CAPN14: variants seen among roughly 807,000 people sequenced by gnomAD.
CAPN14 encodes calpain 14, also known as calpain-14.
A neutral mutation model predicts 101.3 loss-of-function variants in CAPN14; 94 were observed. That is an observed-to-expected ratio of 0.93 (90% CI 0.79 to 1.10). The LOEUF is 1.10. Among genes scored for constraint, CAPN14 ranks in the 50% least tolerant of loss-of-function variants. The probability of loss-of-function intolerance (pLI) is 0.00; values close to 1 mark genes in which losing one functional copy is unlikely to be tolerated. For missense variants in CAPN14, 837 were observed against 828.4 expected, an observed-to-expected ratio of 1.01 and a Z score of -0.13; for synonymous variants, 338 against 317.9, an observed-to-expected ratio of 1.06 and a Z score of -0.67.
rs749542748 is a variant in CAPN14 at position 31,201,096 on chromosome 2, TGTGTGTGTGCATGTGC to T, written c.552-487_552-472del. The stretch of plus-strand genomic sequence containing the variant: ...TGACCTCCACATGCATGTGTGCATG[TGTGTGTGTGCATGTGC>T]GTGTGTGTGCATGTGTGTATGTGTG... On this transcript the variant is annotated intron_variant, in intron 5 of 21. Transcript: ENST00000403897. Among the ~76,000 whole-genome samples, 288 of 147,862 alleles carry T rather than the reference TGTGTGTGTGCATGTGC, an allele frequency of 1.9e-3. 1 individual carries two copies. Among genetic ancestry groups the T allele is most frequent in the African/African-American group, 6.5e-3 (259 of 40,058 alleles).
At position 31,187,793 on chromosome 2, in the gene CAPN14, T is replaced by C. The variant is rs757198882; in HGVS notation, c.1552A>G (p.Arg518Gly). The change falls in exon 15 of 22, where the codon AGG (arginine) becomes GGG (glycine). Residue 518 changes from arginine to glycine, a missense_variant. Transcript: ENST00000403897. The stretch of plus-strand genomic sequence containing the variant: ...AATTTGGTGAAGAATTCATCCTGCC[T>C]TTCATTTTGGTCTTCTATCTCCTAT... ...FSKEIEDQNE[R>G]QDEFFTKFFE... is the part of the protein sequence containing the mutation. 1.3e-5 allele frequency: 20 copies of C among 1,551,296 alleles called. No homozygotes were observed. Among genetic ancestry groups the C allele is most frequent in the Non-Finnish European group, 1.7e-5 (20 of 1,146,504 alleles).
chr2:31,219,604 A>C (rs149829707), upstream of CAPN14, among the ~76,000 whole-genome samples: 57 of 152,304 alleles, frequency 3.7e-4, no homozygotes, highest in African/African-American at 1.3e-3. Flanking sequence ...GCTCAGGAGC[A>C]GTAGAACCGG....
intron 8 of CAPN14, 29 bp downstream of exon 8, chr2:31,197,220 C>T: frequency 6.7e-7 from 1 of 1,487,698 alleles, no homozygotes; most frequent in East Asian, 2.5e-5. Flanking sequence ...TACCTGTTCT[C>T]ACCCCTCCAA....
intron 12 of CAPN14, among the ~76,000 whole-genome samples, 185 bp downstream of exon 12, chr2:31,191,214 A>C (rs1572404045): frequency 6.6e-6 from 1 of 152,128 alleles, no homozygotes; most frequent in African/African-American, 2.4e-5. Context: ...TTTGGATAAA[A>C]AAGATTAACA....
intron 17 of CAPN14, among the ~76,000 whole-genome samples, chr2:31,180,601 A>C (rs1222724886): frequency 2.0e-5 from 3 of 152,152 alleles, no homozygotes; most frequent in Non-Finnish European, 4.4e-5. Flanking sequence ...GAGAGCTGTT[A>C]CTAACCACCA....
intron 1 of CAPN14, among the ~76,000 whole-genome samples, chr2:31,232,182 T>C (rs915100252): frequency 3.9e-5 from 6 of 152,230 alleles, no homozygotes; most frequent in African/African-American, 1.4e-4. Flanking sequence ...TATCTCTGTC[T>C]GCTAAATCAG....
At position 31,207,088 on chromosome 2, in the gene CAPN14, C is replaced by T. The variant is rs145229825; in HGVS notation, c.-52-1589G>A. On this transcript the variant is annotated intron_variant, in intron 1 of 21. Coordinates refer to ENST00000403897, the MANE Select transcript of CAPN14 (RefSeq NM_001145122.2). Reference sequence around the variant, plus strand: ...TCTCAGTGCTACAAACTGCCTATTACACCCCGCACAGTGTTTGGGACAGAA... The same window carrying T: ...TCTCAGTGCTACAAACTGCCTATTATACCCCGCACAGTGTTTGGGACAGAA... Among the ~76,000 whole-genome samples, 147 of 152,334 alleles carry T rather than the reference C, an allele frequency of 9.6e-4. 1 individual carries two copies. The highest frequency in any genetic ancestry group is 3.4e-3 in the African/African-American group (141 of 41,582).
At chr2:31,218,944 G>A (rs1177969592), upstream of CAPN14, among the ~76,000 whole-genome samples, 2 of 141,888 alleles carry the variant, frequency 1.4e-5, no homozygotes, top group Non-Finnish European at 3.0e-5. Flanking sequence ...AGCAGAAGCA[G>A]TGGATCTGGG....
intron 19 of CAPN14, 77 bp from the exon 20 acceptor site, chr2:31,177,219 A>C: frequency 1.1e-6 from 1 of 915,866 alleles, no homozygotes; most frequent in Non-Finnish European, 1.7e-6. Flanking sequence ...GCCCCTTCAA[A>C]TGTCCCTCCA....
intron 16 of CAPN14, among the ~76,000 whole-genome samples, chr2:31,185,664 T>G (rs867070799): frequency 6.6e-6 from 1 of 152,216 alleles, no homozygotes; most frequent in African/African-American, 2.4e-5. Flanking sequence ...ATAACTGAAT[T>G]TGGCTTTGAG....
chr2:31,189,148 G>A (rs1288727018), intron 13 of CAPN14, 125 bp downstream of exon 13: 2 of 824,528 alleles, frequency 2.4e-6, no homozygotes, highest in South Asian at 1.6e-5. Context: ...CTGGTCTCCT[G>A]CTCTCCCCAT....
chr2:31,214,037 T>G (rs4951972), intron 1 of CAPN14, among the ~76,000 whole-genome samples: 86,803 of 152,096 alleles, frequency 0.57, 25,809 homozygotes, highest in East Asian at 0.94. Context: ...TGCCTTTCAG[T>G]AAACAATGAT....
Position 31,209,703 on chromosome 2 carries a change from TGGGTC to T in CAPN14, c.-52-4209_-52-4205del, listed in dbSNP as rs1258177042. Among the ~76,000 whole-genome samples, 19 of 152,218 alleles carry T rather than the reference TGGGTC, an allele frequency of 1.2e-4. No homozygotes were observed. In the South Asian group the frequency reaches 3.9e-3, roughly 32 times the overall value. ...TTGTGTCAAAATTTACTCCTTCAGG[TGGGTC>T]TCAGTGATATTTCAGTAGCCAGTGT... On this transcript the variant is annotated intron_variant, in intron 1 of 21. Transcript: ENST00000403897.
chr2:31,179,195 A>G (rs1332538842), intron 17 of CAPN14, among the ~76,000 whole-genome samples: 1 of 151,036 alleles, frequency 6.6e-6, no homozygotes, highest in Non-Finnish European at 1.5e-5. Context: ...TACATTAGGT[A>G]TTTCTCCTAA....
intron 8 of CAPN14, among the ~76,000 whole-genome samples, chr2:31,196,630 T>C (rs1453943498): frequency 3.9e-5 from 6 of 152,238 alleles, no homozygotes; most frequent in Non-Finnish European, 1.5e-5. Context: ...TGAAGGACTT[T>C]AGGACTTGAC....
intron 16 of CAPN14, among the ~76,000 whole-genome samples, chr2:31,185,130 C>T (rs1025652171): frequency 2.6e-5 from 4 of 152,210 alleles, no homozygotes; most frequent in African/African-American, 9.6e-5. Context: ...CCATCTGCAG[C>T]TCCAATAAGC....
At position 31,191,412 on chromosome 2, in the gene CAPN14, A is replaced by G. The variant is rs1253980549; in HGVS notation, c.1279-5T>C. ...TGCAGAACTCACCTTGTTCATCTAA[A>G]AAACAAAAACAAAAACAGAAAAAAA... On this transcript the variant is annotated splice_region_variant and splice_polypyrimidine_tract_variant and intron_variant, in intron 11 of 21. Coordinates refer to ENST00000403897, the MANE Select transcript of CAPN14 (RefSeq NM_001145122.2). 3 of 1,540,118 alleles carry G rather than the reference A, an allele frequency of 1.9e-6. No individual in the cohort carries two copies. The highest frequency in any genetic ancestry group is 4.9e-5 in the East Asian group (2 of 40,866).
intron 1 of CAPN14, among the ~76,000 whole-genome samples, chr2:31,216,510 G>A (rs904909446): frequency 1.3e-5 from 2 of 152,128 alleles, no homozygotes; most frequent in African/African-American, 4.8e-5. Flanking sequence ...CAACGACCAG[G>A]CTCACACTCT....
In CAPN14 at chr2:31,205,495, T is replaced by C; in HGVS notation, c.-48A>G. 1.4e-6 allele frequency: 2 copies of C among 1,439,264 alleles called. No individual in the cohort carries two copies. Among genetic ancestry groups the C allele is most frequent in the Non-Finnish European group, 1.9e-6 (2 of 1,045,316 alleles). 89.2% of individuals were successfully genotyped at this position (1,439,264 alleles called of 1,614,324 possible). ...GTGAGTCTTCCTGAGGAGTCTCTGC[T>C]GCTCCTGAAATGGAGAGAGGACGGT... On this transcript the variant is annotated 5_prime_UTR_variant, in exon 2 of 22. Coordinates refer to ENST00000403897, the MANE Select transcript of CAPN14 (RefSeq NM_001145122.2).
Sources: gnomAD v4.1 joint callset for allele counts (sites outside exome capture counted in the v4.1 genomes callset) on GRCh38, gnomAD v4.1.1 for gene constraint, MANE v1.5 for transcripts, NCBI Gene and HGNC (gene_info 2026-07-23, HGNC 2026-07-21) for gene names.